AOX1: variants seen among roughly 807,000 people sequenced by gnomAD.
AOX1 encodes aldehyde oxidase 1.
Under a neutral mutation model 169.5 loss-of-function variants are expected in AOX1, and 153 were observed. That is an observed-to-expected ratio of 0.90 (90% CI 0.79 to 1.03). AOX1 has a LOEUF of 1.03. AOX1 is among the 50% of genes least tolerant of loss of function. AOX1 has a pLI of 0.00. For missense variants in AOX1, 1,656 were observed against 1,663.9 expected (o/e 1.00, Z 0.08); for synonymous variants, 562 against 581.9 (o/e 0.97, Z 0.49).
chr2:200,613,470 C>G (rs116216127), intron 14 of AOX1, among the ~76,000 whole-genome samples: 1 of 152,126 alleles, frequency 6.6e-6, no homozygotes, highest in South Asian at 2.1e-4. Context: ...AAAAGCAGAT[C>G]TTGGCATGCA....
chr2:200,630,304 C>G (rs778799672), intron 20 of AOX1, among the ~76,000 whole-genome samples: 26 of 150,764 alleles, frequency 1.7e-4, no homozygotes, highest in Non-Finnish European at 3.1e-4. Context: ...AGGCAGATAG[C>G]TTCAGGCCAG....
At chr2:200,657,190 A>ATATATATATATTTT in intron 27 of AOX1, among the ~76,000 whole-genome samples, 6 of 62,878 alleles carry the variant, frequency 9.5e-5, no homozygotes, top group East Asian at 9.2e-4. Flanking sequence ...ATATATATAT[A>ATATATATATATTTT]TTTTTTTTTT....
At chr2:200,638,572 C>T (rs751382059) in intron 23 of AOX1, among the ~76,000 whole-genome samples, 5 of 152,124 alleles carry the variant, frequency 3.3e-5, no homozygotes, top group African/African-American at 4.8e-5. Flanking sequence ...AACTAGAAAA[C>T]GTGAGTGTGT....
intron 25 of AOX1, among the ~76,000 whole-genome samples, chr2:200,649,609 G>A (rs2035538272): frequency 2.0e-5 from 3 of 152,122 alleles, no homozygotes; most frequent in Non-Finnish European, 2.9e-5. Flanking sequence ...CCTGCCTCCC[G>A]TCCGCCATGA....
intron 26 of AOX1, among the ~76,000 whole-genome samples, chr2:200,656,220 G>C (rs2035679977): frequency 2.0e-5 from 3 of 152,208 alleles, no homozygotes; most frequent in Admixed American, 2.0e-4. Flanking sequence ...AAGGGAAGAA[G>C]CCATCCTTCT....
At position 200,595,352 on chromosome 2, in the gene AOX1, A is replaced by G. The variant is rs374158410; in HGVS notation, c.184A>G (p.Ile62Val). The change falls in exon 3 of 35, where the codon ATC becomes GTC. Residue 62 changes from isoleucine (I) to valine (V), a missense_variant. Coordinates refer to ENST00000374700, the MANE Select transcript of AOX1 (RefSeq NM_001159.4). The stretch of plus-strand genomic sequence containing the variant: ...AGTGATGATATCACGATACAACCCC[A>G]TCACCAAGAGGATAAGGTACCGTGC... ...CTVMISRYNP[I>V]TKRIRHHPAN... 1.9e-6 allele frequency: 3 copies of G among 1,612,438 alleles called. No individual in the cohort carries two copies. Among genetic ancestry groups the G allele is most frequent in the Non-Finnish European group, 2.5e-6 (3 of 1,178,990 alleles).
At chr2:200,663,003 C>T in intron 31 of AOX1, 34 bp downstream of exon 31, 1 of 1,546,530 alleles carries the variant, frequency 6.5e-7, no homozygotes, top group Non-Finnish European at 8.9e-7. Context: ...TCAAGTTGCA[C>T]TTAGGATGCA....
At chr2:200,639,543 T>G (rs1280715892) in intron 23 of AOX1, among the ~76,000 whole-genome samples, 5 of 152,224 alleles carry the variant, frequency 3.3e-5, no homozygotes, top group African/African-American at 1.2e-4. Flanking sequence ...CAAACCACAC[T>G]CACTCTAAAC....
rs1391209518 is a variant in AOX1, at chr2:200,650,262, G to A, written c.2848-712G>A. On this transcript the variant is annotated intron_variant, in intron 25 of 34. Transcript: ENST00000374700. ...TTAAAAACACCACTTTCCCCCAAAT[G>A]AGATGGCTTACTAATTTCCAGTGTT... Among the ~76,000 whole-genome samples, 5 of 152,166 alleles carry A rather than the reference G, an allele frequency of 3.3e-5. No individual in the cohort carries two copies. The East Asian group carries it at 9.6e-4, about 29-fold the overall frequency.
chr2:200,609,924 G>A (rs6735253), intron 12 of AOX1, among the ~76,000 whole-genome samples: 53,610 of 151,650 alleles, frequency 0.35, 9,525 homozygotes, highest in East Asian at 0.44. Flanking sequence ...CTAATTTATC[G>A]CTTCTTCCAA....
chr2:200,670,808 G>A lies in AOX1; in HGVS notation c.*129G>A, dbSNP rs1045693944. ...AGTTCAGAAATCATCCCACAGTGTT[G>A]CTTTTCTATGGAGCTGATTTAAAGT... On this transcript the variant is annotated 3_prime_UTR_variant, in exon 35 of 35. Transcript: ENST00000374700. The A allele has an allele frequency of 5.8e-6, 4 of 684,586 alleles. No homozygotes were observed. In the African/African-American group the frequency reaches 7.1e-5, roughly 12 times the overall value. 42.4% of individuals were successfully genotyped at this position (684,586 alleles called of 1,614,324 possible).
chr2:200,655,502 G>T (rs893638284), intron 26 of AOX1, among the ~76,000 whole-genome samples: 1 of 152,162 alleles, frequency 6.6e-6, no homozygotes, highest in Non-Finnish European at 1.5e-5. Flanking sequence ...GTCCTTGGGT[G>T]TCATTATCAT....
chr2:200,625,299 C>T (rs529504457), intron 19 of AOX1, among the ~76,000 whole-genome samples: 16 of 152,198 alleles, frequency 1.1e-4, no homozygotes, highest in African/African-American at 2.9e-4. Context: ...AAATTATTTA[C>T]GTAACACTTC....
intron 5 of AOX1, 41 bp from the exon 6 acceptor site, chr2:200,602,243 C>T: frequency 6.3e-7 from 1 of 1,576,850 alleles, no homozygotes; most frequent in Non-Finnish European, 8.7e-7. Flanking sequence ...GTGCCTCTAT[C>T]TGGGTCACTT....
At position 200,670,916 on chromosome 2, in the gene AOX1, GTGATATCCGTCATTACT is replaced by G; in HGVS notation, c.*238_*254del. On this transcript the variant is annotated 3_prime_UTR_variant, in exon 35 of 35. Transcript: ENST00000374700. The stretch of plus-strand genomic sequence containing the variant: ...TAAACACTAATTGGTTTCCTCTAGG[GTGATATCCGTCATTACT>G]CTGTCTCTTCAATCCATCCAGCTAA... 2.2e-6 allele frequency: 1 copy of G among 449,322 alleles called. No individual in the cohort carries two copies. The highest frequency in any genetic ancestry group is 3.9e-6 in the Non-Finnish European group (1 of 253,388). The allele number at this position is 449,322 out of a possible 1,614,324, so 27.8% of individuals were successfully genotyped here.
chr2:200,623,953 A>G lies in AOX1; in HGVS notation c.2094A>G (p.Gln698=), dbSNP rs778229688. Residue 698 remains glutamine, a synonymous_variant, in exon 19 of 35, where the codon CAA becomes CAG. Coordinates refer to ENST00000374700, the MANE Select transcript of AOX1 (RefSeq NM_001159.4). The part of the protein sequence containing the change: ...RAAKRVKIVY[Q]DLEPLILTIE... ...CTAAGCGAGTGAAGATTGTCTATCAAGACTTGGAGCCGCTGATACTAACAA... is the reference window on the plus strand; with the variant it reads ...CTAAGCGAGTGAAGATTGTCTATCAGGACTTGGAGCCGCTGATACTAACAA... 5.6e-6 allele frequency: 9 copies of G among 1,614,072 alleles called. No individual in the cohort carries two copies. In the East Asian group the frequency reaches 2.0e-4, roughly 36 times the overall value.
intron 1 of AOX1, among the ~76,000 whole-genome samples, chr2:200,592,034 C>T (rs757339934): frequency 6.6e-6 from 1 of 151,686 alleles, no homozygotes; most frequent in Non-Finnish European, 1.5e-5. Context: ...GATACTGAGG[C>T]CATTAAAAGG....
intron 1 of AOX1, among the ~76,000 whole-genome samples, chr2:200,589,265 C>T (rs777874336): frequency 3.3e-5 from 5 of 152,136 alleles, no homozygotes; most frequent in South Asian, 2.1e-4. Context: ...ATCTTATTCA[C>T]TCTACCAAGG....
intron 22 of AOX1, 117 bp from the exon 23 acceptor site, chr2:200,638,098 T>G: frequency 1.2e-6 from 1 of 805,078 alleles, no homozygotes; most frequent in Non-Finnish European, 2.1e-6. Flanking sequence ...GCGAAATAGT[T>G]GTGTTGTTCT....
Sources: gnomAD v4.1 joint callset for allele counts (sites outside exome capture counted in the v4.1 genomes callset) on GRCh38, gnomAD v4.1.1 for gene constraint, MANE v1.5 for transcripts, NCBI Gene and HGNC (gene_info 2026-07-23, HGNC 2026-07-21) for gene names.